Variants in RASSF3 observed in about 807,000 individuals in gnomAD.
The protein encoded by RASSF3 is Ras association domain family member 3.
A neutral mutation model predicts 19.9 loss-of-function variants in RASSF3; 19 were observed. The ratio of observed to expected loss-of-function variants is 0.96; its 90% CI spans 0.67 to 1.40. The LOEUF (loss-of-function observed/expected upper bound fraction) is 1.40. Ranked by LOEUF, RASSF3 falls within the 40% of genes most tolerant of loss-of-function variation. The pLI, the probability that RASSF3 is intolerant of heterozygous loss-of-function variation, is 0.00. For missense variants in RASSF3, 306 were observed against 289.8 expected, an observed-to-expected ratio of 1.06 and a Z score of -0.41; for synonymous variants, 110 against 104.2, an observed-to-expected ratio of 1.06 and a Z score of -0.34.
At position 64,582,700 on chromosome 12, in the gene RASSF3, G is replaced by A. The variant is rs141379081; in HGVS notation, c.294+40995G>A. On this transcript the variant is annotated intron_variant, in intron 2 of 5. Transcript: ENST00000637125. The stretch of plus-strand genomic sequence containing the variant: ...CGTCTCCCTCTCAACACCCACCCTC[G>A]AGCTGGCTTAGGAACAAGTACCCTG... Among the ~76,000 whole-genome samples, 276 of 152,174 alleles carry A rather than the reference G, an allele frequency of 1.8e-3. 1 individual carries two copies. The highest frequency in any genetic ancestry group is 6.5e-3 in the African/African-American group (269 of 41,532).
intron 1 of RASSF3, among the ~76,000 whole-genome samples, chr12:64,682,022 T>G (rs1425483362): frequency 6.6e-6 from 1 of 152,066 alleles, no homozygotes; most frequent in Non-Finnish European, 1.5e-5. Context: ...ACAAAACACT[T>G]TCTTGGAAGT....
At chr12:64,687,899 A>G (rs1417082028) in intron 2 of RASSF3, among the ~76,000 whole-genome samples, 1 of 152,086 alleles carries the variant, frequency 6.6e-6, no homozygotes, top group African/African-American at 2.4e-5. Context: ...TTGGATTGTA[A>G]CCTCGCAAAT....
intron 1 of RASSF3, among the ~76,000 whole-genome samples, chr12:64,643,278 C>T (rs1334543692): frequency 6.6e-6 from 1 of 152,076 alleles, no homozygotes; most frequent in East Asian, 1.9e-4. Flanking sequence ...ATGTCTGGTC[C>T]ATAGTAAAGC....
At chr12:64,621,913 G>T (rs188674288) in intron 1 of RASSF3, among the ~76,000 whole-genome samples, 127 of 152,270 alleles carry the variant, frequency 8.3e-4, no homozygotes, top group Non-Finnish European at 1.3e-3. Flanking sequence ...GGATTCAGAA[G>T]GTGGGGAGTT....
At chr12:64,632,646 T>C (rs1283957865) in intron 1 of RASSF3, among the ~76,000 whole-genome samples, 2 of 151,942 alleles carry the variant, frequency 1.3e-5, no homozygotes, top group African/African-American at 4.8e-5. Context: ...GCCATGCCAC[T>C]GTGGAATGGG....
At chr12:64,522,387 A>G (rs1026902055) in intron 1 of RASSF3, among the ~76,000 whole-genome samples, 18 of 152,044 alleles carry the variant, frequency 1.2e-4, no homozygotes, top group Admixed American at 7.9e-4. Context: ...ACCCCTTTTC[A>G]CTGTCCTTTA....
At chr12:64,581,938 G>T (rs1258649175) in intron 2 of RASSF3, among the ~76,000 whole-genome samples, 1 of 151,646 alleles carries the variant, frequency 6.6e-6, no homozygotes, top group African/African-American at 2.4e-5. Flanking sequence ...CACGATCTTG[G>T]CTCCCTTCAG....
chr12:64,572,742 A>T (rs1342854213), intron 2 of RASSF3, among the ~76,000 whole-genome samples: 1 of 152,234 alleles, frequency 6.6e-6, no homozygotes, highest in Non-Finnish European at 1.5e-5. Context: ...TTAATAGATG[A>T]AGAAACAGAG....
chr12:64,685,540 G>GT (rs1368523944), intron 2 of RASSF3, among the ~76,000 whole-genome samples: 2 of 152,096 alleles, frequency 1.3e-5, no homozygotes, highest in Non-Finnish European at 2.9e-5. Flanking sequence ...AAGCCCCTAA[G>GT]TTTTTGTCTT....
intron 2 of RASSF3, among the ~76,000 whole-genome samples, chr12:64,554,937 T>C (rs531728560): frequency 5.8e-4 from 89 of 152,230 alleles, no homozygotes; most frequent in African/African-American, 2.0e-3. Context: ...TCTTACAGTT[T>C]TATTGTTTGA....
chr12:64,582,861 C>G (rs1285029697), intron 2 of RASSF3, among the ~76,000 whole-genome samples: 4 of 152,176 alleles, frequency 2.6e-5, no homozygotes, highest in Admixed American at 2.6e-4. Context: ...TTTTCCCACA[C>G]TTTTGGCCAG....
At chr12:64,586,052 C>A (rs551075697) in intron 2 of RASSF3, among the ~76,000 whole-genome samples, 3 of 151,492 alleles carry the variant, frequency 2.0e-5, no homozygotes, top group African/African-American at 7.3e-5. Context: ...GGGCCAGGCA[C>A]GGTGGCTCAC....
intron 1 of RASSF3, among the ~76,000 whole-genome samples, chr12:64,678,585 C>T (rs1393844814): frequency 9.2e-6 from 1 of 108,790 alleles, no homozygotes; most frequent in Admixed American, 1.1e-4. Context: ...AATATTTGCT[C>T]TTTTTTGTTT....
chr12:64,574,197 G>C (rs956861467), intron 2 of RASSF3, among the ~76,000 whole-genome samples: 3 of 151,482 alleles, frequency 2.0e-5, no homozygotes, highest in African/African-American at 7.3e-5. Context: ...TGTAGTCCCA[G>C]CTACTCAGGA....
intron 2 of RASSF3, among the ~76,000 whole-genome samples, chr12:64,581,016 C>G (rs1164613355): frequency 1.3e-5 from 2 of 151,488 alleles, no homozygotes; most frequent in African/African-American, 4.9e-5. Flanking sequence ...TTACATGTAT[C>G]TACTTACACA....
intron 1 of RASSF3, among the ~76,000 whole-genome samples, chr12:64,644,791 G>A (rs190055558): frequency 3.7e-4 from 56 of 152,284 alleles, no homozygotes; most frequent in Admixed American, 1.6e-3. Context: ...AGATACATAT[G>A]CCATGTTTAT....
At chr12:64,582,676 G>A (rs991074661) in intron 2 of RASSF3, among the ~76,000 whole-genome samples, 2 of 152,106 alleles carry the variant, frequency 1.3e-5, no homozygotes, top group South Asian at 2.1e-4. Context: ...TTCTGAAGCC[G>A]TCTCCCTCTC....
At chr12:64,621,955 T>TA (rs140972812) in intron 1 of RASSF3, among the ~76,000 whole-genome samples, 7,334 of 151,998 alleles carry the variant, frequency 0.048, 598 homozygotes, top group African/African-American at 0.17. Flanking sequence ...CCATGTGTTT[T>TA]AAAAAAAAGG....
chr12:64,556,718 C>T (rs1024124425), intron 2 of RASSF3, among the ~76,000 whole-genome samples: 2 of 152,094 alleles, frequency 1.3e-5, no homozygotes, highest in Non-Finnish European at 2.9e-5. Context: ...TCTACTTTTC[C>T]GTGCAGACTG....
Sources: allele counts gnomAD v4.1 joint callset (sites outside exome capture counted in the v4.1 genomes callset), GRCh38; gene constraint gnomAD v4.1.1; transcripts MANE v1.5; gene names NCBI Gene and HGNC (gene_info 2026-07-23, HGNC 2026-07-21).